Variants in FMNL2 observed in about 807,000 individuals in gnomAD.
The protein encoded by FMNL2 is formin like 2.
In FMNL2, 51 loss-of-function variants were observed where a neutral mutation model predicts 130.2. The ratio of observed to expected loss-of-function variants is 0.39; its 90% CI spans 0.31 to 0.49. The LOEUF (loss-of-function observed/expected upper bound fraction) is 0.49, where lower values mean the gene tolerates loss of function less well. Among genes scored for constraint, FMNL2 ranks in the 20% least tolerant of loss-of-function variants. FMNL2 has a pLI of 0.85. For synonymous variants in FMNL2, 465 were observed against 467.1 expected, an observed-to-expected ratio of 1.00 and a Z score of 0.06; for missense variants, 977 against 1,316.2, an observed-to-expected ratio of 0.74 and a Z score of 3.99.
At chr2:152,629,161 G>A (rs1002578219) in intron 18 of FMNL2, among the ~76,000 whole-genome samples, 7 of 152,026 alleles carry the variant, frequency 4.6e-5, no homozygotes, top group Non-Finnish European at 1.0e-4. Flanking sequence ...TCCCAATTCT[G>A]TTTCTAGATA....
At chr2:152,518,985 T>C (rs1295869863) in intron 1 of FMNL2, among the ~76,000 whole-genome samples, 1 of 152,216 alleles carries the variant, frequency 6.6e-6, no homozygotes, top group Non-Finnish European at 1.5e-5. Context: ...TTGACTCACA[T>C]TTCCAACTTC....
intron 2 of FMNL2, among the ~76,000 whole-genome samples, chr2:152,538,025 A>G (rs1694092546): frequency 6.6e-6 from 1 of 152,224 alleles, no homozygotes; most frequent in Non-Finnish European, 1.5e-5. Flanking sequence ...GGTCTAAAGA[A>G]TGTGATAAAC....
At chr2:152,607,573 C>T in intron 10 of FMNL2, 160 bp downstream of exon 10, 1 of 578,252 alleles carries the variant, frequency 1.7e-6, no homozygotes, top group South Asian at 2.4e-5. Context: ...GAATGTCCCT[C>T]TTAATCTGTA....
chr2:152,410,923 C>T (rs1295236686), intron 1 of FMNL2, among the ~76,000 whole-genome samples: 2 of 152,106 alleles, frequency 1.3e-5, no homozygotes, highest in Non-Finnish European at 2.9e-5. Flanking sequence ...TTCCCTTTGC[C>T]CCAAATTATT....
intron 1 of FMNL2, among the ~76,000 whole-genome samples, chr2:152,473,966 C>T (rs1257978957): frequency 6.6e-6 from 1 of 152,190 alleles, no homozygotes; most frequent in Non-Finnish European, 1.5e-5. Flanking sequence ...CCTCCACGTC[C>T]CAGGTTCAAA....
chr2:152,604,690 G>A (rs1698262905), intron 9 of FMNL2, among the ~76,000 whole-genome samples: 1 of 152,026 alleles, frequency 6.6e-6, no homozygotes, highest in African/African-American at 2.4e-5. Context: ...CTGCCTTCTG[G>A]GTTCAAGCAA....
At chr2:152,571,393 A>G (rs1188116420) in intron 6 of FMNL2, among the ~76,000 whole-genome samples, 2 of 152,226 alleles carry the variant, frequency 1.3e-5, no homozygotes, top group Admixed American at 6.5e-5. Flanking sequence ...ATGGGAGTCC[A>G]TGGAGAAACT....
At chr2:152,641,692 G>C (rs1683095474) in intron 25 of FMNL2, among the ~76,000 whole-genome samples, 1 of 152,022 alleles carries the variant, frequency 6.6e-6, no homozygotes, top group South Asian at 2.1e-4. Context: ...CGAACTCATG[G>C]CCAATCTTGT....
At chr2:152,361,717 C>G (rs1186207463) in intron 1 of FMNL2, among the ~76,000 whole-genome samples, 1 of 151,916 alleles carries the variant, frequency 6.6e-6, no homozygotes, top group Non-Finnish European at 1.5e-5. Flanking sequence ...CCTTAAGATC[C>G]CCTGCATTTT....
chr2:152,524,204 A>G (rs1373643311), intron 2 of FMNL2, among the ~76,000 whole-genome samples: 1 of 152,230 alleles, frequency 6.6e-6, no homozygotes, highest in African/African-American at 2.4e-5. Flanking sequence ...ACAGATGCTG[A>G]TAGGAATAGA....
In FMNL2 at chr2:152,471,184, G is replaced by T. The variant is rs190487115; in HGVS notation, c.118-50759G>T. 2.0e-5 allele frequency among the ~76,000 whole-genome samples: 3 copies of T among 151,362 alleles called. No individual in the cohort carries two copies. The East Asian group carries it at 5.8e-4, about 29-fold the overall frequency. ...AAAAAAAAGCAGAAAAGTCCCGTAC[G>T]CTGTCGTTTGCTTAGTCTTATCTGA... On this transcript the variant is annotated intron_variant, in intron 1 of 25. Coordinates refer to ENST00000288670, the MANE Select transcript of FMNL2 (RefSeq NM_052905.4).
At chr2:152,346,839 C>T (rs1259571500) in intron 1 of FMNL2, among the ~76,000 whole-genome samples, 1 of 152,094 alleles carries the variant, frequency 6.6e-6, no homozygotes, top group Non-Finnish European at 1.5e-5. Flanking sequence ...TGCCTATAAT[C>T]CCAGCACTTT....
At chr2:152,385,589 G>A (rs1368881343) in intron 1 of FMNL2, among the ~76,000 whole-genome samples, 1 of 152,180 alleles carries the variant, frequency 6.6e-6, no homozygotes, top group Non-Finnish European at 1.5e-5. Flanking sequence ...TTGAATTAGG[G>A]AGCTGGGGAA....
At chr2:152,452,564 T>C (rs1265907872) in intron 1 of FMNL2, among the ~76,000 whole-genome samples, 1 of 152,090 alleles carries the variant, frequency 6.6e-6, no homozygotes, top group Non-Finnish European at 1.5e-5. Context: ...TTAAAAACAC[T>C]CTTGTAATGG....
At chr2:152,484,544 G>A (rs964471215) in intron 1 of FMNL2, among the ~76,000 whole-genome samples, 1 of 152,066 alleles carries the variant, frequency 6.6e-6, no homozygotes, top group African/African-American at 2.4e-5. Context: ...GGCTGAGGCA[G>A]AAGTATTCAG....
chr2:152,369,235 G>A (rs890804497), intron 1 of FMNL2, among the ~76,000 whole-genome samples: 1 of 152,216 alleles, frequency 6.6e-6, no homozygotes, highest in African/African-American at 2.4e-5. Flanking sequence ...GTCACAGCAG[G>A]AGGAGACAAT....
intron 1 of FMNL2, among the ~76,000 whole-genome samples, chr2:152,450,129 T>A (rs185485513): frequency 3.6e-4 from 55 of 152,322 alleles, no homozygotes; most frequent in African/African-American, 1.3e-3. Context: ...CTAATTTTAA[T>A]ATTTGCATTA....
At chr2:152,643,574 C>G in intron 25 of FMNL2, 1 of 1,532,296 alleles carries the variant, frequency 6.5e-7, no homozygotes, top group Admixed American at 2.0e-5. Context: ...TGTCTTATGT[C>G]CCCCTCTGTG....
chr2:152,405,220 TATC>T (rs764043997), intron 1 of FMNL2, among the ~76,000 whole-genome samples: 1 of 152,138 alleles, frequency 6.6e-6, no homozygotes, highest in Non-Finnish European at 1.5e-5. Context: ...AGCTGGGCAT[TATC>T]ATTAACTAGA....
Sources: allele counts gnomAD v4.1 joint callset (sites outside exome capture counted in the v4.1 genomes callset), GRCh38; gene constraint gnomAD v4.1.1; transcripts MANE v1.5; gene names NCBI Gene and HGNC (gene_info 2026-07-23, HGNC 2026-07-21).